The following MAP7 variants were observed in gnomAD, a reference collection of about 807,000 sequenced individuals.
MAP7 encodes the protein microtubule associated protein 7.
Under a neutral mutation model 94.8 loss-of-function variants are expected in MAP7, and 52 were observed. The observed-to-expected ratio is 0.55, with a 90% CI of 0.44 to 0.69. MAP7 has a LOEUF of 0.69. MAP7 is among the 30% of genes least tolerant of loss of function. MAP7 has a pLI of 0.00. For missense variants in MAP7, 940 were observed against 964.6 expected (o/e 0.97, Z 0.34); for synonymous variants, 350 against 357.0 (o/e 0.98, Z 0.22).
At chr6:136,374,861 A>G (rs1157078500) in intron 7 of MAP7, among the ~76,000 whole-genome samples, 2 of 152,310 alleles carry the variant, frequency 1.3e-5, no homozygotes, top group East Asian at 3.9e-4. Context: ...GCAAGTACTG[A>G]AAAACCTGAA....
rs149997140 is a variant in MAP7, at chr6:136,492,723, T to C, written c.67+57619A>G. Among the ~76,000 whole-genome samples the C allele has an allele frequency of 3.9e-3, 599 of 152,274 alleles. 5 individuals are homozygous for C. The highest frequency in any genetic ancestry group is 0.014 in the African/African-American group (576 of 41,534). On this transcript the variant is annotated intron_variant, in intron 1 of 17. Transcript: ENST00000354570. The stretch of plus-strand genomic sequence containing the variant: ...ATAAAATTATGCATCTTAACTTAGC[T>C]AGATGAACCCAAGAAATTTTCCTGA...
chr6:136,526,266 T>C (rs7754275), intron 1 of MAP7: 41,867 of 1,107,282 alleles, frequency 0.038, 4,717 homozygotes, highest in African/African-American at 0.36. Flanking sequence ...TGCATGCACG[T>C]ACACGCGCGC....
intron 3 of MAP7, among the ~76,000 whole-genome samples, chr6:136,400,374 C>T (rs918402902): frequency 1.3e-5 from 2 of 149,976 alleles, no homozygotes; most frequent in Non-Finnish European, 3.0e-5. Flanking sequence ...CAAGATTGCG[C>T]TACTGCACTC....
At chr6:136,389,596 A>G in intron 3 of MAP7, 79 bp from the exon 4 acceptor site, 1 of 1,346,658 alleles carries the variant, frequency 7.4e-7, no homozygotes, top group East Asian at 2.3e-5. Flanking sequence ...TTAGGGCTGT[A>G]TTAAGTGGTC....
intron 1 of MAP7, among the ~76,000 whole-genome samples, chr6:136,501,618 C>A (rs974312185): frequency 6.6e-6 from 1 of 151,840 alleles, no homozygotes; most frequent in Non-Finnish European, 1.5e-5. Flanking sequence ...TTTATTTTAC[C>A]CTAGTTATTT....
At chr6:136,534,280 G>A (rs1039376941) in intron 1 of MAP7, among the ~76,000 whole-genome samples, 15 of 152,286 alleles carry the variant, frequency 9.8e-5, no homozygotes, top group African/African-American at 2.9e-4. Flanking sequence ...TGGCAGGCTC[G>A]AAACTCAAGC....
At chr6:136,362,224 C>T (rs557442229) in intron 11 of MAP7, among the ~76,000 whole-genome samples, 3 of 152,098 alleles carry the variant, frequency 2.0e-5, no homozygotes, top group East Asian at 1.9e-4. Context: ...AGTTTGAGAC[C>T]AGCCTGGGCA....
Position 136,360,760 on chromosome 6 carries a change from CCT to C in MAP7, c.1738_1739del (p.Arg580GlyfsTer24). On this transcript the variant is annotated frameshift_variant, in exon 13 of 18. Coordinates refer to ENST00000354570, the MANE Select transcript of MAP7 (RefSeq NM_003980.6). LOFTEE classifies it high-confidence loss of function. ...EEARVREEAERVRQEREKHFQ... is the reference protein window; with the variant it reads ...EEARVREEAEXVRQEREKHFQ... Reference sequence around the variant, plus strand: ...AATGCTTCTCTCGTTCCTGCCGGACCCTCTCTGCTTCTTCACGAACGCGAGCT... The same window carrying C: ...AATGCTTCTCTCGTTCCTGCCGGACCCTCTGCTTCTTCACGAACGCGAGCT... 1 of 1,614,090 alleles carries C rather than the reference CCT, an allele frequency of 6.2e-7. No individual in the cohort carries two copies. Among genetic ancestry groups the C allele is most frequent in the Non-Finnish European group, 8.5e-7 (1 of 1,180,022 alleles).
At chr6:136,450,657 G>A (rs1004426267) in intron 1 of MAP7, among the ~76,000 whole-genome samples, 6 of 151,870 alleles carry the variant, frequency 4.0e-5, no homozygotes, top group Admixed American at 6.6e-5. Context: ...GGTGGCTCAC[G>A]CCTGTAATCC....
At position 136,509,426 on chromosome 6, in the gene MAP7, G is replaced by A. The variant is rs1562474717; in HGVS notation, c.67+40916C>T. Among the ~76,000 whole-genome samples, 9 of 149,424 alleles carry A rather than the reference G, an allele frequency of 6.0e-5. No individual in the cohort carries two copies. The South Asian group carries it at 1.7e-3, about 28-fold the overall frequency. On this transcript the variant is annotated intron_variant, in intron 1 of 17. Transcript: ENST00000354570. ...ATGTAGAAGCTACTTATTTTTTTAA[G>A]TTTTTTTGTAAAGATGCAGTCTTGC...
At chr6:136,460,985 G>A (rs571126037) in intron 1 of MAP7, among the ~76,000 whole-genome samples, 20 of 152,182 alleles carry the variant, frequency 1.3e-4, no homozygotes, top group South Asian at 8.3e-4. Flanking sequence ...TGGGTATAGC[G>A]AGCATAACTT....
At chr6:136,542,331 C>A (rs1453987801) in intron 1 of MAP7, among the ~76,000 whole-genome samples, 2 of 152,184 alleles carry the variant, frequency 1.3e-5, no homozygotes, top group Non-Finnish European at 2.9e-5. Context: ...ATACCATTCA[C>A]ATTTAGCTTA....
At chr6:136,526,645 G>T in intron 1 of MAP7, 2 of 985,516 alleles carry the variant, frequency 2.0e-6, no homozygotes, top group Non-Finnish European at 2.4e-6. Context: ...TCCTCTCAGC[G>T]GCAGCGCAGC....
intron 16 of MAP7, among the ~76,000 whole-genome samples, chr6:136,355,578 T>G (rs1192152390): frequency 6.6e-6 from 1 of 152,214 alleles, no homozygotes; most frequent in Middle Eastern, 3.2e-3. Flanking sequence ...ATTATAAAAT[T>G]ACATTATAAA....
chr6:136,461,427 A>G (rs1363881079), intron 1 of MAP7, among the ~76,000 whole-genome samples: 1 of 152,222 alleles, frequency 6.6e-6, no homozygotes, highest in Non-Finnish European at 1.5e-5. Flanking sequence ...AAAAATGTTG[A>G]TCTTTGACTA....
At position 136,361,048 on chromosome 6, in the gene MAP7, C is replaced by T. The variant is rs769620147; in HGVS notation, c.1658G>A (p.Arg553Gln). ...TGCCTCCTCCCGCTCGCGCAGCGCC[C>T]GCTCCTCCGCCTGCCGCTGCAGCTG... ...EEQLQRQAEE[R>Q]ALREREEAER... Residue 553 changes from arginine (R) to glutamine (Q), a missense_variant, in exon 12 of 18, where the codon CGG becomes CAG. Transcript: ENST00000354570. 3.1e-6 allele frequency: 5 copies of T among 1,588,934 alleles called. No individual in the cohort carries two copies. Among genetic ancestry groups the T allele is most frequent in the South Asian group, 2.2e-5 (2 of 89,736 alleles).
chr6:136,391,583 A>AACC (rs1554241552), intron 3 of MAP7, among the ~76,000 whole-genome samples: 20 of 151,146 alleles, frequency 1.3e-4, no homozygotes, highest in South Asian at 2.1e-4. Flanking sequence ...CAACAACAAC[A>AACC]ACCAAACCAC....
intron 2 of MAP7, among the ~76,000 whole-genome samples, chr6:136,413,309 G>C (rs1260003225): frequency 6.6e-6 from 1 of 152,122 alleles, no homozygotes. Context: ...GTTCACTTGA[G>C]GTCAGGAGTT....
chr6:136,541,502 C>T (rs552715858), intron 1 of MAP7, among the ~76,000 whole-genome samples: 1 of 152,234 alleles, frequency 6.6e-6, no homozygotes, highest in South Asian at 2.1e-4. Flanking sequence ...AATCTCAATA[C>T]TCTAAACTTA....
Sources: gnomAD v4.1 joint callset for allele counts (sites outside exome capture counted in the v4.1 genomes callset) on GRCh38, gnomAD v4.1.1 for gene constraint, MANE v1.5 for transcripts, NCBI Gene and HGNC (gene_info 2026-07-23, HGNC 2026-07-21) for gene names.